The following SPECC1 variants were observed in gnomAD, a reference collection of about 807,000 sequenced individuals.
The protein encoded by SPECC1 is sperm antigen with calponin homology and coiled-coil domains 1, also known as cytospin-B.
Under a neutral mutation model 104.1 loss-of-function variants are expected in SPECC1, and 62 were observed. That is an observed-to-expected ratio of 0.60 (90% CI 0.49 to 0.74). SPECC1 has a LOEUF of 0.74. SPECC1 is among the 30% of genes least tolerant of loss of function. SPECC1 has a pLI of 0.00. For synonymous variants in SPECC1, 513 were observed against 501.6 expected, an observed-to-expected ratio of 1.02 and a Z score of -0.30; for missense variants, 1,306 against 1,310.5, an observed-to-expected ratio of 1.00 and a Z score of 0.05.
In SPECC1 at chr17:20,101,497, T is replaced by A. The variant is rs898126549; in HGVS notation, c.147+4699T>A. Among the ~76,000 whole-genome samples the A allele has an allele frequency of 9.8e-5, 15 of 152,312 alleles. 1 individual carries two copies. In the East Asian group the frequency reaches 2.9e-3, roughly 29 times the overall value. ...GTGTCTAAATACCTGACTTTCAACA[T>A]TGGCCTGAACTGAAGGAGCAGTGAA... On this transcript the variant is annotated intron_variant, in intron 2 of 14. Coordinates refer to ENST00000395527, the MANE Select transcript of SPECC1 (RefSeq NM_001243439.2).
intron 2 of SPECC1, among the ~76,000 whole-genome samples, chr17:20,099,401 T>A (rs574517819): frequency 6.7e-6 from 1 of 150,168 alleles, no homozygotes; most frequent in South Asian, 2.1e-4. Flanking sequence ...AAATAAGGCC[T>A]CGGCCGGGCA....
chr17:20,035,493 GC>G (rs2045034069), intron 1 of SPECC1, among the ~76,000 whole-genome samples: 1 of 151,980 alleles, frequency 6.6e-6, no homozygotes, highest in Non-Finnish European at 1.5e-5. Context: ...CACAAGTCCT[GC>G]ACATTTTGTT....
intron 3 of SPECC1, among the ~76,000 whole-genome samples, chr17:20,116,068 A>G (rs1026422052): frequency 2.6e-5 from 4 of 151,870 alleles, no homozygotes; most frequent in Non-Finnish European, 5.9e-5. Context: ...ATATATCAAT[A>G]ACTTTCTTTT....
chr17:20,254,058 C>A (rs2039730316), intron 10 of SPECC1, among the ~76,000 whole-genome samples: 1 of 151,492 alleles, frequency 6.6e-6, no homozygotes, highest in African/African-American at 2.4e-5. Flanking sequence ...AATTTGTCTG[C>A]TACTTCTGCA....
chr17:20,115,387 C>G (rs919146093), intron 3 of SPECC1, among the ~76,000 whole-genome samples: 10 of 152,078 alleles, frequency 6.6e-5, no homozygotes, highest in African/African-American at 2.4e-4. Flanking sequence ...GCAGGAGAAT[C>G]ACTTGAACCC....
chr17:20,306,783 T>C (rs889144042), intron 14 of SPECC1, among the ~76,000 whole-genome samples: 1 of 152,210 alleles, frequency 6.6e-6, no homozygotes, highest in Non-Finnish European at 1.5e-5. Context: ...CTTAGTATAC[T>C]CTTAGATGCA....
intron 14 of SPECC1, among the ~76,000 whole-genome samples, chr17:20,310,351 C>G (rs2041896898): frequency 6.6e-6 from 1 of 152,186 alleles, no homozygotes; most frequent in African/African-American, 2.4e-5. Context: ...TACATTTCCA[C>G]CAAGAGTGTA....
At chr17:20,052,801 C>A (rs535702169) in intron 1 of SPECC1, among the ~76,000 whole-genome samples, 2 of 152,290 alleles carry the variant, frequency 1.3e-5, no homozygotes, top group East Asian at 3.9e-4. Context: ...GAAGACAAAA[C>A]AGCAGTCTGC....
chr17:20,094,367 C>T (rs898109119), intron 1 of SPECC1, among the ~76,000 whole-genome samples: 50 of 152,294 alleles, frequency 3.3e-4, no homozygotes, highest in African/African-American at 1.1e-3. Flanking sequence ...ACAGGATCGA[C>T]GCATTTGTTG....
intron 8 of SPECC1, 62 bp downstream of exon 8, chr17:20,246,133 A>G (rs1165731172): frequency 1.9e-6 from 3 of 1,587,512 alleles, no homozygotes; most frequent in Non-Finnish European, 2.6e-6. Flanking sequence ...GACATTTGAT[A>G]TGTCTACTAT....
Position 20,237,829 on chromosome 17 carries a change from G to A in SPECC1, c.2351+5424G>A, listed in dbSNP as rs1007223122. The A allele has an allele frequency of 4.1e-5, 8 of 193,212 alleles. No homozygotes were observed. In the East Asian group the frequency reaches 4.3e-4, roughly 10 times the overall value. 12.0% of individuals were successfully genotyped at this position (193,212 alleles called of 1,614,324 possible). A position where few individuals can be genotyped will look rare whatever the true frequency, so the allele number is the denominator to read the frequency against. Reference sequence around the variant, plus strand: ...GCGATCTTGGCTCATTGCAAGCTCCGCTTCCTGGGTTTAAGCTATTCTCCT... The same window carrying A: ...GCGATCTTGGCTCATTGCAAGCTCCACTTCCTGGGTTTAAGCTATTCTCCT... On this transcript the variant is annotated intron_variant, in intron 7 of 14. Coordinates refer to ENST00000395527, the MANE Select transcript of SPECC1 (RefSeq NM_001243439.2).
intron 1 of SPECC1, among the ~76,000 whole-genome samples, chr17:20,045,011 A>C (rs1338721016): frequency 1.3e-5 from 2 of 152,206 alleles, no homozygotes; most frequent in Non-Finnish European, 2.9e-5. Flanking sequence ...GAAATGCTTT[A>C]TTTCCTGAAT....
At chr17:20,209,437 CAAAA>C (rs1238030231) in intron 4 of SPECC1, among the ~76,000 whole-genome samples, 1 of 152,164 alleles carries the variant, frequency 6.6e-6, no homozygotes, top group Non-Finnish European at 1.5e-5. Context: ...CAGATACCGT[CAAAA>C]GAACCTATAA....
intron 7 of SPECC1, among the ~76,000 whole-genome samples, chr17:20,242,026 G>A (rs182229997): frequency 6.6e-6 from 1 of 152,314 alleles, no homozygotes; most frequent in East Asian, 1.9e-4. Context: ...ACCGGCAGGC[G>A]TGAGCATGTG....
At chr17:20,224,183 C>G (rs1381662037) in intron 4 of SPECC1, among the ~76,000 whole-genome samples, 1 of 152,198 alleles carries the variant, frequency 6.6e-6, no homozygotes, top group African/African-American at 2.4e-5. Context: ...CTTTTCCTTA[C>G]TTTCCCCTAA....
chr17:20,191,278 T>C (rs2035651075), intron 3 of SPECC1, among the ~76,000 whole-genome samples: 1 of 152,282 alleles, frequency 6.6e-6, no homozygotes, highest in African/African-American at 2.4e-5. Flanking sequence ...AGAACAAGTA[T>C]GTTTACTTTT....
chr17:20,075,599 C>T (rs541997308), intron 1 of SPECC1, among the ~76,000 whole-genome samples: 6 of 152,050 alleles, frequency 3.9e-5, no homozygotes, highest in African/African-American at 7.2e-5. Flanking sequence ...ACCAGGAGTT[C>T]GAGAACAGCC....
Position 20,231,824 on chromosome 17 carries a change from A to C in SPECC1, c.2138A>C (p.Gln713Pro). 3 of 1,614,106 alleles carry C rather than the reference A, an allele frequency of 1.9e-6. No homozygotes were observed. The highest frequency in any genetic ancestry group is 2.5e-6 in the Non-Finnish European group (3 of 1,179,994). Reference sequence around the variant, plus strand: ...AGGCAGCTGAAGACTCTGACCAAGCAGATGAAGGTGAGATGCGGGTGGGAG... The same window carrying C: ...AGGCAGCTGAAGACTCTGACCAAGCCGATGAAGGTGAGATGCGGGTGGGAG... ...LERQLKTLTK[Q>P]MKEETEEWRR... The change falls in exon 6 of 15, where the codon CAG becomes CCG. Residue 713 changes from glutamine to proline, a missense_variant. Transcript: ENST00000395527.
intron 12 of SPECC1, among the ~76,000 whole-genome samples, chr17:20,262,297 C>T (rs1400630069): frequency 1.3e-5 from 2 of 152,222 alleles, no homozygotes; most frequent in African/African-American, 4.8e-5. Flanking sequence ...AACATATGTG[C>T]TCATTCCTGC....
Sources: gnomAD v4.1 joint callset for allele counts (sites outside exome capture counted in the v4.1 genomes callset) on GRCh38, gnomAD v4.1.1 for gene constraint, MANE v1.5 for transcripts, NCBI Gene and HGNC (gene_info 2026-07-23, HGNC 2026-07-21) for gene names.